GEN1: variants seen among roughly 807,000 people sequenced by gnomAD.
The protein encoded by GEN1 is GEN1 structure-specific endonuclease.
In GEN1, 64 loss-of-function variants were observed where a neutral mutation model predicts 67.6. The observed-to-expected ratio is 0.95, with a 90% confidence interval of 0.77 to 1.17. GEN1 has a LOEUF of 1.17. Among genes scored for constraint, GEN1 ranks in the 50% most tolerant of loss-of-function variants. The pLI is 0.00. For missense variants in GEN1, 1,058 were observed against 1,048.3 expected (o/e 1.01, Z -0.13); for synonymous variants, 371 against 359.4 (o/e 1.03, Z -0.37).
At chr2:17,768,217 G>A (rs1378599192) in intron 5 of GEN1, among the ~76,000 whole-genome samples, 1 of 152,118 alleles carries the variant, frequency 6.6e-6, no homozygotes, top group African/African-American at 2.4e-5. Flanking sequence ...ATACATTAAG[G>A]CATATCATTT....
intron 12 of GEN1, among the ~76,000 whole-genome samples, chr2:17,779,587 A>G (rs1212327343): frequency 2.6e-5 from 4 of 152,126 alleles, no homozygotes; most frequent in Admixed American, 6.5e-5. Context: ...TGATAAAGCT[A>G]GTTACCTGGA....
At position 17,784,380 on chromosome 2, in the gene GEN1, AG is replaced by A. The variant is rs745634114; in HGVS notation, c.*2442del. The A allele has an allele frequency of 6.6e-6, 1 of 152,232 alleles. No homozygotes were observed. The highest frequency in any genetic ancestry group is 1.5e-5 in the Non-Finnish European group (1 of 68,032). 9.4% of individuals were successfully genotyped at this position (152,232 alleles called of 1,614,324 possible). A position where few individuals can be genotyped will look rare whatever the true frequency, so the allele number is the denominator to read the frequency against. On this transcript the variant is annotated 3_prime_UTR_variant, in exon 14 of 14. Transcript: ENST00000381254. ...TGCTGGTAGGAATGTAAAATGGGGC[AG>A]CCACTTTGGAAAAAGTCTGGTAGTT...
At chr2:17,758,606 TCTTTAC>T (rs745947865) in intron 1 of GEN1, among the ~76,000 whole-genome samples, 45 of 152,210 alleles carry the variant, frequency 3.0e-4, no homozygotes, top group Non-Finnish European at 6.2e-4. Context: ...CCAAATACTT[TCTTTAC>T]CTTTAAGTCT....
At position 17,766,576 on chromosome 2, in the gene GEN1, T is replaced by C. The variant is rs776238984; in HGVS notation, c.526-3T>C. 6.7e-7 allele frequency: 1 copy of C among 1,501,438 alleles called. No homozygotes were observed. Among genetic ancestry groups the C allele is most frequent in the East Asian group, 2.3e-5 (1 of 44,028 alleles). 93.0% of individuals were successfully genotyped at this position (1,501,438 alleles called of 1,614,324 possible). ...GATTAAACTAAATCTGTTCTTTCTT[T>C]AGGACCCACATGTTGACTGTTACAC... On this transcript the variant is annotated splice_polypyrimidine_tract_variant and splice_region_variant and intron_variant, in intron 4 of 13. Transcript: ENST00000381254.
chr2:17,781,665 A>G lies in GEN1; in HGVS notation c.2453A>G (p.Gln818Arg). 6.2e-7 allele frequency: 1 copy of G among 1,614,058 alleles called. No homozygotes were observed. The highest frequency in any genetic ancestry group is 8.5e-7 in the Non-Finnish European group (1 of 1,179,956). The change falls in exon 14 of 14, where the codon CAA (glutamine) becomes CGA (arginine). Residue 818 changes from glutamine to arginine, a missense_variant. Transcript: ENST00000381254. ...PVFGKAKYTT[Q>R]RMKHSSQKHN... ...TTTGGGAAAGCTAAGTACACAACTCAAAGAATGAAGCACAGTTCTCAAAAG... is the reference window on the plus strand; with the variant it reads ...TTTGGGAAAGCTAAGTACACAACTCGAAGAATGAAGCACAGTTCTCAAAAG...
Position 17,785,998 on chromosome 2 carries a change from G to A in GEN1, c.*4059G>A, listed in dbSNP as rs766873867. The A allele has an allele frequency of 6.6e-6, 1 of 152,188 alleles. No homozygotes were observed. The highest frequency in any genetic ancestry group is 2.4e-5 in the African/African-American group (1 of 41,440). The allele number at this position is 152,188 out of a possible 1,614,324, so 9.4% of individuals were successfully genotyped here. A position where few individuals can be genotyped will look rare whatever the true frequency, so the allele number is the denominator to read the frequency against. Reference sequence around the variant, plus strand: ...TGGGTAGCATGGCTTGAGCCATCTTGTCAGGCATACCTAGCTTCAGATTCT... The same window carrying A: ...TGGGTAGCATGGCTTGAGCCATCTTATCAGGCATACCTAGCTTCAGATTCT... On this transcript the variant is annotated 3_prime_UTR_variant, in exon 14 of 14. Coordinates refer to ENST00000381254, the MANE Select transcript of GEN1 (RefSeq NM_001130009.3).
At position 17,787,067 on chromosome 2, in the gene GEN1, GTC is replaced by G. The variant is rs926293646; in HGVS notation, c.*5132_*5133del. ...ACCATTTGTTATTCCCTGCACGGATGTCTCTGCCTGAAATGCTTGCTGCTTCC... is the reference window on the plus strand; with the variant it reads ...ACCATTTGTTATTCCCTGCACGGATGTCTGCCTGAAATGCTTGCTGCTTCC... On this transcript the variant is annotated 3_prime_UTR_variant, in exon 14 of 14. Transcript: ENST00000381254. 2 of 152,190 alleles carry G rather than the reference GTC, an allele frequency of 1.3e-5. No homozygotes were observed. Among genetic ancestry groups the G allele is most frequent in the Non-Finnish European group, 1.5e-5 (1 of 68,066 alleles). The allele number at this position is 152,190 out of a possible 1,614,324, so 9.4% of individuals were successfully genotyped here. A position where few individuals can be genotyped will look rare whatever the true frequency, so the allele number is the denominator to read the frequency against.
chr2:17,774,572 A>G (rs1165066727), intron 11 of GEN1, 171 bp downstream of exon 11: 1 of 366,574 alleles, frequency 2.7e-6, no homozygotes, highest in African/African-American at 2.1e-5. Context: ...GTCATGCTTT[A>G]TCATACTTTT....
intron 3 of GEN1, among the ~76,000 whole-genome samples, chr2:17,763,481 T>TA (rs1292390932): frequency 6.6e-6 from 1 of 152,232 alleles, no homozygotes; most frequent in Admixed American, 6.5e-5. Context: ...TATTGCCTGT[T>TA]AGTCATTTTT....
In GEN1 at chr2:17,788,110, AAG is replaced by A. The variant is rs1673114006; in HGVS notation, c.*6174_*6175del. The A allele has an allele frequency of 6.6e-6, 1 of 152,252 alleles. No individual in the cohort carries two copies. Among genetic ancestry groups the A allele is most frequent in the Non-Finnish European group, 1.5e-5 (1 of 68,056 alleles). The allele number at this position is 152,252 out of a possible 1,614,324, so 9.4% of individuals were successfully genotyped here. Reference sequence around the variant, plus strand: ...CCAAGATGCTTGCTTTCTGAAGGTGAAGAGTCTAAATCAACTGCTGTTCCTGT... The same window carrying A: ...CCAAGATGCTTGCTTTCTGAAGGTGAAGTCTAAATCAACTGCTGTTCCTGT... On this transcript the variant is annotated 3_prime_UTR_variant, in exon 14 of 14. Transcript: ENST00000381254.
At chr2:17,759,008 A>G (rs1002301755) in intron 1 of GEN1, among the ~76,000 whole-genome samples, 1 of 152,256 alleles carries the variant, frequency 6.6e-6, no homozygotes, top group Non-Finnish European at 1.5e-5. Flanking sequence ...CTTTAGAACG[A>G]ACTCTGTTAA....
chr2:17,761,360 T>C (rs10178519), intron 2 of GEN1, 36 bp from the exon 3 acceptor site: 1 of 1,174,678 alleles, frequency 8.5e-7, no homozygotes, highest in East Asian at 2.5e-5. Flanking sequence ...CTATCAGTGT[T>C]TGATGATTAA....
At chr2:17,770,440 T>C (rs1429024493) in intron 6 of GEN1, among the ~76,000 whole-genome samples, 1 of 152,158 alleles carries the variant, frequency 6.6e-6, no homozygotes, top group Non-Finnish European at 1.5e-5. Flanking sequence ...TACCAGATAC[T>C]GCACAATGAC....
In GEN1 at chr2:17,780,931, A is replaced by G; in HGVS notation, c.1719A>G (p.Ser573=). The G allele has an allele frequency of 1.3e-6, 2 of 1,578,660 alleles. No homozygotes were observed. Among genetic ancestry groups the G allele is most frequent in the South Asian group, 1.1e-5 (1 of 89,360 alleles). Residue 573 remains serine, a synonymous_variant, in exon 14 of 14, where the codon TCA becomes TCG. Transcript: ENST00000381254. The part of the protein sequence containing the change: ...LISESSQPNT[S]SHNISVIADL... The stretch of plus-strand genomic sequence containing the variant: ...CAGAATCTAGTCAACCCAATACCTC[A>G]TCTCATAATATATCCGTGATTGCTG...
At chr2:17,758,656 T>C (rs1671533520) in intron 1 of GEN1, among the ~76,000 whole-genome samples, 2 of 152,166 alleles carry the variant, frequency 1.3e-5, no homozygotes, top group Admixed American at 1.3e-4. Context: ...CATCCATAGA[T>C]GTCACTGTAC....
chr2:17,780,468 G>A (rs1457340620), intron 13 of GEN1, among the ~76,000 whole-genome samples, 153 bp from the exon 14 acceptor site: 1 of 151,904 alleles, frequency 6.6e-6, no homozygotes, highest in Non-Finnish European at 1.5e-5. Flanking sequence ...GTTTTCAGAG[G>A]GAAATATTTT....
intron 6 of GEN1, among the ~76,000 whole-genome samples, chr2:17,770,595 T>TA (rs1261136751): frequency 6.6e-6 from 1 of 152,150 alleles, no homozygotes; most frequent in Admixed American, 6.6e-5. Flanking sequence ...AAAACGAAAT[T>TA]AACTTTTAAT....
In GEN1 at chr2:17,780,613, C is replaced by T. The variant is rs1175348172; in HGVS notation, c.1409-8C>T. On this transcript the variant is annotated splice_region_variant and splice_polypyrimidine_tract_variant and intron_variant, in intron 13 of 13. Coordinates refer to ENST00000381254, the MANE Select transcript of GEN1 (RefSeq NM_001130009.3). ...AATGTTGATTATATGTATTTTTTTT[C>T]TTTTCAGGTATTAAGCCTAAAGAAA... 47 of 1,498,044 alleles carry T rather than the reference C, an allele frequency of 3.1e-5. No homozygotes were observed. The highest frequency in any genetic ancestry group is 1.1e-4 in the African/African-American group (8 of 70,732). The allele number at this position is 1,498,044 out of a possible 1,614,324, so 92.8% of individuals were successfully genotyped here. A position where few individuals can be genotyped will look rare whatever the true frequency, so the allele number is the denominator to read the frequency against.
Position 17,781,076 on chromosome 2 carries a change from C to A in GEN1, c.1864C>A (p.Pro622Thr). 6.2e-7 allele frequency: 1 copy of A among 1,611,658 alleles called. No homozygotes were observed. ...SEVESELSAI[P>T]DGFENIPEQL... ...AGTTGAATCAGAGCTATCAGCCATC[C>A]CTGATGGCTTTGAAAATATCCCAGA... Residue 622 changes from proline (P) to threonine (T), a missense_variant, in exon 14 of 14, where the codon CCT (proline) becomes ACT (threonine). Coordinates refer to ENST00000381254, the MANE Select transcript of GEN1 (RefSeq NM_001130009.3).
Sources: gnomAD v4.1 joint callset for allele counts (sites outside exome capture counted in the v4.1 genomes callset) on GRCh38, gnomAD v4.1.1 for gene constraint, MANE v1.5 for transcripts, NCBI Gene and HGNC (gene_info 2026-07-23, HGNC 2026-07-21) for gene names.